MTHFD1L: variants seen among roughly 807,000 people sequenced by gnomAD.
MTHFD1L encodes monofunctional C1-tetrahydrofolate synthase, mitochondrial.
In MTHFD1L, 81 loss-of-function variants were observed where a neutral mutation model predicts 119.5. That is an observed-to-expected ratio of 0.68 (90% CI 0.57 to 0.82). The LOEUF is 0.82. Ranked by LOEUF, MTHFD1L falls within the 40% of genes least tolerant of loss-of-function variation. The pLI, the probability that MTHFD1L is intolerant of heterozygous loss-of-function variation, is 0.00. For synonymous variants in MTHFD1L, 430 were observed against 475.2 expected (o/e 0.90, Z 1.24); for missense variants, 1,125 against 1,253.4 (o/e 0.90, Z 1.55).
At chr6:150,949,748 G>A (rs1169185758) in intron 16 of MTHFD1L, among the ~76,000 whole-genome samples, 1 of 152,038 alleles carries the variant, frequency 6.6e-6, no homozygotes, top group African/African-American at 2.4e-5. Context: ...CAGTCTCATC[G>A]CTCACTATGG....
At chr6:150,868,669 C>T (rs950209055) in intron 1 of MTHFD1L, among the ~76,000 whole-genome samples, 4 of 152,126 alleles carry the variant, frequency 2.6e-5, no homozygotes, top group African/African-American at 9.7e-5. Flanking sequence ...CAGGGGTCCA[C>T]AGACGTTTTA....
intron 26 of MTHFD1L, among the ~76,000 whole-genome samples, chr6:151,049,213 C>T (rs1336660839): frequency 2.0e-5 from 3 of 152,128 alleles, no homozygotes; most frequent in South Asian, 4.1e-4. Context: ...AAGATTAGGC[C>T]GGGCACAGTG....
At chr6:150,981,725 G>C (rs1054385144) in intron 20 of MTHFD1L, among the ~76,000 whole-genome samples, 2 of 152,090 alleles carry the variant, frequency 1.3e-5, no homozygotes, top group African/African-American at 4.8e-5. Context: ...TGTTATTATT[G>C]GTTCCTAACA....
At position 150,880,884 on chromosome 6, in the gene MTHFD1L, T is replaced by C. The variant is rs138231550; in HGVS notation, c.418-1878T>C. ...GTCATATACCTGCAGGCCATTTGTA[T>C]GTCCTTTGGGAGATGTCTGTTCACG... On this transcript the variant is annotated intron_variant, in intron 4 of 27. Transcript: ENST00000367321. 5.6e-4 allele frequency among the ~76,000 whole-genome samples: 85 copies of C among 152,370 alleles called. No homozygotes were observed. The East Asian group carries it at 0.015, about 27-fold the overall frequency.
chr6:150,901,710 G>A (rs550020390), intron 7 of MTHFD1L, among the ~76,000 whole-genome samples: 31 of 152,278 alleles, frequency 2.0e-4, no homozygotes, highest in Middle Eastern at 3.4e-3. Context: ...CCATCACTCA[G>A]GCACTAGTTG....
intron 20 of MTHFD1L, among the ~76,000 whole-genome samples, chr6:151,003,547 G>A (rs6919111): frequency 0.033 from 4,987 of 152,064 alleles, 269 homozygotes; most frequent in African/African-American, 0.11. Flanking sequence ...AAAAAAGGGG[G>A]GAAAGGTCAG....
chr6:151,037,052 A>G lies in MTHFD1L; in HGVS notation c.2782A>G (p.Ile928Val), dbSNP rs948017845. 1.9e-6 allele frequency: 3 copies of G among 1,611,866 alleles called. No homozygotes were observed. Among genetic ancestry groups the G allele is most frequent in the Non-Finnish European group, 2.5e-6 (3 of 1,179,866 alleles). ...CAAAAAAGGTGTGCCAAGGGACTTC[A>G]TCTTACCTATCAGTGACGTCCGGGC... is the stretch of plus-strand genomic sequence containing the variant. ...PDKKGVPRDF[I>V]LPISDVRASI... The change falls in exon 26 of 28, where the codon ATC becomes GTC. Residue 928 changes from isoleucine to valine, a missense_variant. Physicochemically the swap from Ile to Val is conservative, Grantham distance 29. Transcript: ENST00000367321.
At chr6:150,992,171 TC>T (rs1779142847) in intron 20 of MTHFD1L, among the ~76,000 whole-genome samples, 2 of 151,426 alleles carry the variant, frequency 1.3e-5, no homozygotes, top group African/African-American at 4.8e-5. Context: ...CAGGGCTCCC[TC>T]CCCAGGAAAG....
rs1786593179 is a variant in MTHFD1L at position 151,038,753 on chromosome 6, C to T, written c.2847+1636C>T. Among the ~76,000 whole-genome samples the T allele has an allele frequency of 2.0e-5, 3 of 152,188 alleles. No homozygotes were observed. The South Asian group carries it at 6.2e-4, about 32-fold the overall frequency. ...CGCACTTTGGCCACAGAAGTAGATA[C>T]AGAGAGTGGGGGTGAATTGCAGACA... On this transcript the variant is annotated intron_variant, in intron 26 of 27. Coordinates refer to ENST00000367321, the MANE Select transcript of MTHFD1L (RefSeq NM_015440.5).
intron 20 of MTHFD1L, among the ~76,000 whole-genome samples, chr6:150,977,006 A>G (rs1393766072): frequency 6.6e-6 from 1 of 152,212 alleles, no homozygotes; most frequent in African/African-American, 2.4e-5. Flanking sequence ...CCCTTTAATG[A>G]GCATTTATTA....
intron 26 of MTHFD1L, among the ~76,000 whole-genome samples, chr6:151,068,382 A>G (rs112887620): frequency 0.012 from 1,794 of 152,316 alleles, 15 homozygotes; most frequent in Non-Finnish European, 0.018. Context: ...ATTTTCCAGT[A>G]TCGTTTTTCA....
At position 150,872,968 on chromosome 6, in the gene MTHFD1L, C is replaced by T. The variant is rs373087812; in HGVS notation, c.228-3122C>T. ...TGAGCCACTGCGCCCAGCCCCCATC[C>T]CCAACTATTTTAAAAGTCTAATTAC... On this transcript the variant is annotated intron_variant, in intron 1 of 27. Transcript: ENST00000367321. Among the ~76,000 whole-genome samples, 101 of 152,048 alleles carry T rather than the reference C, an allele frequency of 6.6e-4. 5 individuals are homozygous for T. In the South Asian group the frequency reaches 0.017, roughly 26 times the overall value.
intron 26 of MTHFD1L, among the ~76,000 whole-genome samples, chr6:151,063,279 A>C (rs17458000): frequency 0.032 from 4,921 of 152,304 alleles, 160 homozygotes; most frequent in Admixed American, 0.1. Context: ...GGTGTCAAGT[A>C]AAACTTAATG....
intron 17 of MTHFD1L, among the ~76,000 whole-genome samples, chr6:150,957,759 A>G (rs1053122225): frequency 6.6e-6 from 1 of 152,202 alleles, no homozygotes; most frequent in African/African-American, 2.4e-5. Flanking sequence ...CCATTTTAAA[A>G]CTTTGAAGTA....
At chr6:151,044,050 C>G (rs1170942250) in intron 26 of MTHFD1L, among the ~76,000 whole-genome samples, 1 of 151,778 alleles carries the variant, frequency 6.6e-6, no homozygotes, top group Non-Finnish European at 1.5e-5. Context: ...AGATGGTAGT[C>G]AGTGCCATGT....
At chr6:150,893,551 T>C (rs1328064362) in intron 7 of MTHFD1L, among the ~76,000 whole-genome samples, 1 of 152,226 alleles carries the variant, frequency 6.6e-6, no homozygotes, top group African/African-American at 2.4e-5. Flanking sequence ...TGTGCTTATT[T>C]GTACCTGACA....
chr6:151,049,229 C>T (rs1183440846), intron 26 of MTHFD1L, among the ~76,000 whole-genome samples: 2 of 152,346 alleles, frequency 1.3e-5, no homozygotes, highest in African/African-American at 2.4e-5. Flanking sequence ...CAGTGGCTGA[C>T]GCCAGTAATC....
At chr6:150,935,062 A>G in intron 11 of MTHFD1L, 6 of 1,613,954 alleles carry the variant, frequency 3.7e-6, no homozygotes, top group Non-Finnish European at 5.1e-6. Flanking sequence ...ACTGTGCTGG[A>G]AAGACAACTG....
In MTHFD1L at chr6:150,877,299, G is replaced by A. The variant is rs537288846; in HGVS notation, c.313-335G>A. ...AACTCCTGGGCTCAAGCAATCCACCGCCTCAGCCTTCTGCAGTGCTGGGAT... is the reference window on the plus strand; with the variant it reads ...AACTCCTGGGCTCAAGCAATCCACCACCTCAGCCTTCTGCAGTGCTGGGAT... On this transcript the variant is annotated intron_variant, in intron 2 of 27. Coordinates refer to ENST00000367321, the MANE Select transcript of MTHFD1L (RefSeq NM_015440.5). Among the ~76,000 whole-genome samples, 250 of 152,230 alleles carry A rather than the reference G, an allele frequency of 1.6e-3. 1 individual carries two copies. Among genetic ancestry groups the A allele is most frequent in the African/African-American group, 5.8e-3 (239 of 41,556 alleles).
Sources: gnomAD v4.1 joint callset for allele counts (sites outside exome capture counted in the v4.1 genomes callset) on GRCh38, gnomAD v4.1.1 for gene constraint, MANE v1.5 for transcripts, NCBI Gene and HGNC (gene_info 2026-07-23, HGNC 2026-07-21) for gene names.